Variants in EMILIN2 observed in about 807,000 individuals in gnomAD.
The protein encoded by EMILIN2 is elastin microfibril interfacer 2, also known as EMILIN-2.
EMILIN2 carries 71 observed loss-of-function variants against 87.1 expected under a neutral mutation model. The ratio of observed to expected loss-of-function variants is 0.82; its 90% CI spans 0.67 to 0.99. EMILIN2 has a LOEUF of 0.99. EMILIN2 is among the 50% of genes least tolerant of loss of function. The probability of loss-of-function intolerance (pLI) is 0.00; values close to 1 mark genes in which losing one functional copy is unlikely to be tolerated. For missense variants in EMILIN2, 1,407 were observed against 1,371.8 expected, an observed-to-expected ratio of 1.03 and a Z score of -0.40; for synonymous variants, 581 against 563.4, an observed-to-expected ratio of 1.03 and a Z score of -0.44.
chr18:2,847,672 G>C lies in EMILIN2; in HGVS notation c.135-137G>C. 7.2e-7 allele frequency: 1 copy of C among 1,380,394 alleles called. No individual in the cohort carries two copies. The highest frequency in any genetic ancestry group is 9.5e-7 in the Non-Finnish European group (1 of 1,048,722). The allele number at this position is 1,380,394 out of a possible 1,614,324, so 85.5% of individuals were successfully genotyped here. ...CCGGGCACCCTCCGGCGTCTGCTCG[G>C]TGAAGCTCCCGCCTCCGCAGAGGGC... On this transcript the variant is annotated intron_variant, in intron 1 of 7. Transcript: ENST00000254528. This position sits in a 1 kb window ranked among gnomAD's most constrained non-coding sequence, Gnocchi z 4.5.
In EMILIN2 at chr18:2,890,311, A is replaced by G. The variant is rs2076828094; in HGVS notation, c.434-250A>G. Among the ~76,000 whole-genome samples the G allele has an allele frequency of 6.6e-6, 1 of 152,230 alleles. No individual in the cohort carries two copies. Among genetic ancestry groups the G allele is most frequent in the African/African-American group, 2.4e-5 (1 of 41,456 alleles). On this transcript the variant is annotated intron_variant, in intron 3 of 7. Coordinates refer to ENST00000254528, the MANE Select transcript of EMILIN2 (RefSeq NM_032048.3). The surrounding 1 kb of genome is among the most constrained non-coding windows in gnomAD (Gnocchi z 4.7). The stretch of plus-strand genomic sequence containing the variant: ...GTTCTTCTTTATAGATGAGAGGATT[A>G]TAGTTCACAGAAGTTAGTTAACTTG...
chr18:2,893,284 A>G (rs1220941683), intron 4 of EMILIN2, among the ~76,000 whole-genome samples: 1 of 152,128 alleles, frequency 6.6e-6, no homozygotes, highest in Non-Finnish European at 1.5e-5. Context: ...GGAGTCTCCT[A>G]CGTACCTCTC....
intron 4 of EMILIN2, among the ~76,000 whole-genome samples, chr18:2,899,661 C>T (rs1400221173): frequency 4.6e-5 from 7 of 152,058 alleles, no homozygotes; most frequent in East Asian, 1.9e-4. Context: ...CCCACCACCA[C>T]GACCCACTAA....
At chr18:2,910,681 A>AT (rs2076936502) in intron 7 of EMILIN2, among the ~76,000 whole-genome samples, 1 of 152,066 alleles carries the variant, frequency 6.6e-6, no homozygotes, top group Admixed American at 6.5e-5. Context: ...CTTGCCACCC[A>AT]TAAGCCACTG....
In EMILIN2 at chr18:2,847,776, C is replaced by T. The variant is rs772466546; in HGVS notation, c.135-33C>T. On this transcript the variant is annotated intron_variant, in intron 1 of 7. Transcript: ENST00000254528. This position sits in a 1 kb window ranked among gnomAD's most constrained non-coding sequence, Gnocchi z 4.5. ...GCCTCATTGTTCTCCGGGTTTACCC[C>T]GTGCCCCTCTCCCTCTCTCTCCTGC... The T allele has an allele frequency of 1.2e-6, 2 of 1,608,832 alleles. No individual in the cohort carries two copies. Among genetic ancestry groups the T allele is most frequent in the Non-Finnish European group, 1.7e-6 (2 of 1,178,966 alleles).
At chr18:2,876,239 C>A (rs2076747222) in intron 2 of EMILIN2, among the ~76,000 whole-genome samples, 1 of 151,674 alleles carries the variant, frequency 6.6e-6, no homozygotes, top group Non-Finnish European at 1.5e-5. Flanking sequence ...CCTCGGCCTC[C>A]CAAAGTGCTG....
chr18:2,888,429 A>G (rs767532137), intron 3 of EMILIN2, among the ~76,000 whole-genome samples: 1 of 152,092 alleles, frequency 6.6e-6, no homozygotes, highest in Non-Finnish European at 1.5e-5. Flanking sequence ...TTAAGAGAGA[A>G]TAACGGCCGG....
At position 2,908,991 on chromosome 18, in the gene EMILIN2, G is replaced by T; in HGVS notation, c.2695+16G>T. On this transcript the variant is annotated intron_variant, in intron 6 of 7. Transcript: ENST00000254528. ...GCTTCCCCAGGTATGTCTGCTGAGAGACCAGGAGCAGGAGGAGCGGTCTCC... is the reference window on the plus strand; with the variant it reads ...GCTTCCCCAGGTATGTCTGCTGAGATACCAGGAGCAGGAGGAGCGGTCTCC... 1 of 1,613,182 alleles carries T rather than the reference G, an allele frequency of 6.2e-7. No homozygotes were observed. Among genetic ancestry groups the T allele is most frequent in the Non-Finnish European group, 8.5e-7 (1 of 1,180,006 alleles).
chr18:2,899,364 C>T (rs181267441), intron 4 of EMILIN2, among the ~76,000 whole-genome samples: 33 of 152,270 alleles, frequency 2.2e-4, no homozygotes, highest in South Asian at 4.1e-4. Flanking sequence ...AGCCCACTTA[C>T]GGACTCGATT....
At chr18:2,886,722 C>T (rs111567743) in intron 3 of EMILIN2, among the ~76,000 whole-genome samples, 2,500 of 152,280 alleles carry the variant, frequency 0.016, 75 homozygotes, top group African/African-American at 0.057. Flanking sequence ...TTCTTTCCTA[C>T]GCAGCTTTTT....
chr18:2,870,486 G>A (rs925611465), intron 2 of EMILIN2, among the ~76,000 whole-genome samples: 3 of 152,192 alleles, frequency 2.0e-5, no homozygotes, highest in Non-Finnish European at 4.4e-5. Context: ...CTTTCTGTTG[G>A]CTTCTGGAAG....
rs537951293 is a variant in EMILIN2, at chr18:2,891,383, T to G, written c.1256T>G (p.Val419Gly). 2 of 1,613,846 alleles carry G rather than the reference T, an allele frequency of 1.2e-6. No homozygotes were observed. The highest frequency in any genetic ancestry group is 4.5e-5 in the East Asian group (2 of 44,870). ...IKTLDQKIER[V>G]AEATRMLNGR... ...ACATTGGACCAGAAAATCGAGAGAG[T>G]TGCTGAAGCCACCAGAATGCTGAAT... The change falls in exon 4 of 8, where the codon GTT becomes GGT. Residue 419 changes from valine to glycine, a missense_variant. Val to Gly is a moderately radical substitution (Grantham distance 109, BLOSUM62 -3). Coordinates refer to ENST00000254528, the MANE Select transcript of EMILIN2 (RefSeq NM_032048.3). The surrounding 1 kb of genome is among the most constrained non-coding windows in gnomAD (Gnocchi z 4.6).
In EMILIN2 at chr18:2,906,617, G is replaced by A. The variant is rs1598505891; in HGVS notation, c.2360-166G>A. On this transcript the variant is annotated intron_variant, in intron 4 of 7. Coordinates refer to ENST00000254528, the MANE Select transcript of EMILIN2 (RefSeq NM_032048.3). ...CGGGTGGCCCGCGGCGTCCTCGGAAGATGCGGGCGGACGCCCGTGTGTCCC... is the reference window on the plus strand; with the variant it reads ...CGGGTGGCCCGCGGCGTCCTCGGAAAATGCGGGCGGACGCCCGTGTGTCCC... 4 of 505,562 alleles carry A rather than the reference G, an allele frequency of 7.9e-6. No individual in the cohort carries two copies. The East Asian group carries it at 1.1e-4, about 14-fold the overall frequency. The allele number at this position is 505,562 out of a possible 1,614,324, so 31.3% of individuals were successfully genotyped here. A position where few individuals can be genotyped will look rare whatever the true frequency, so the allele number is the denominator to read the frequency against.
At chr18:2,888,454 G>A (rs957873977) in intron 3 of EMILIN2, among the ~76,000 whole-genome samples, 7 of 151,948 alleles carry the variant, frequency 4.6e-5, no homozygotes, top group South Asian at 2.1e-4. Flanking sequence ...GGTGGCTCAC[G>A]TCTGTAATCC....
intron 2 of EMILIN2, among the ~76,000 whole-genome samples, chr18:2,856,607 A>G (rs1283648856): frequency 3.3e-5 from 5 of 152,214 alleles, no homozygotes; most frequent in Non-Finnish European, 7.3e-5. Flanking sequence ...GTTACACAGA[A>G]CTTTACATCC....
At chr18:2,886,098 C>G (rs2076802194) in intron 3 of EMILIN2, among the ~76,000 whole-genome samples, 1 of 152,178 alleles carries the variant, frequency 6.6e-6, no homozygotes, top group Non-Finnish European at 1.5e-5. Context: ...ACTCTCTTTC[C>G]TATGTCTGTA....
chr18:2,894,841 G>A lies in EMILIN2; in HGVS notation c.2359+2355G>A, dbSNP rs578141547. 6.6e-6 allele frequency among the ~76,000 whole-genome samples: 1 copy of A among 152,252 alleles called. No individual in the cohort carries two copies. Among genetic ancestry groups the A allele is most frequent in the South Asian group, 2.1e-4 (1 of 4,816 alleles). On this transcript the variant is annotated intron_variant, in intron 4 of 7. Coordinates refer to ENST00000254528, the MANE Select transcript of EMILIN2 (RefSeq NM_032048.3). The surrounding 1 kb of genome is among the most constrained non-coding windows in gnomAD (Gnocchi z 5.0). Reference sequence around the variant, plus strand: ...GTATCAGAGGTGCATGGGAGAATCTGGAGCTAAGGTCACAATGAAAGTGAC... The same window carrying A: ...GTATCAGAGGTGCATGGGAGAATCTAGAGCTAAGGTCACAATGAAAGTGAC...
chr18:2,880,421 G>C lies in EMILIN2; in HGVS notation c.258-4543G>C, dbSNP rs57562223. Reference sequence around the variant, plus strand: ...GGAAGAGGCGGGCAAAGGAGACTTGGCTGGAATGGGGGAGAGTTCACAGGG... The same window carrying C: ...GGAAGAGGCGGGCAAAGGAGACTTGCCTGGAATGGGGGAGAGTTCACAGGG... On this transcript the variant is annotated intron_variant, in intron 2 of 7. Coordinates refer to ENST00000254528, the MANE Select transcript of EMILIN2 (RefSeq NM_032048.3). The surrounding 1 kb of genome is among the most constrained non-coding windows in gnomAD (Gnocchi z 4.1). 0.14 allele frequency among the ~76,000 whole-genome samples: 22,070 copies of C among 152,212 alleles called. 1,853 individuals carry two copies. The highest frequency in any genetic ancestry group is 0.41 in the East Asian group (2,117 of 5,172).
Position 2,847,977 on chromosome 18 carries a change from G to A in EMILIN2, c.257+46G>A, listed in dbSNP as rs2076584620. On this transcript the variant is annotated intron_variant, in intron 2 of 7. Transcript: ENST00000254528. The surrounding 1 kb of genome is among the most constrained non-coding windows in gnomAD (Gnocchi z 4.5). ...GCGGGCGGGGCGCGCCCGGGCCGGGGCGGTGGGGGTGGGGTGGGGTTGCTG... is the reference window on the plus strand; with the variant it reads ...GCGGGCGGGGCGCGCCCGGGCCGGGACGGTGGGGGTGGGGTGGGGTTGCTG... The A allele has an allele frequency of 1.7e-5, 26 of 1,536,934 alleles. No homozygotes were observed. The highest frequency in any genetic ancestry group is 2.1e-5 in the Non-Finnish European group (24 of 1,144,442).
Sources: allele counts gnomAD v4.1 joint callset (sites outside exome capture counted in the v4.1 genomes callset), GRCh38; gene constraint gnomAD v4.1.1; non-coding constraint Gnocchi (gnomAD v3.1); transcripts MANE v1.5; gene names NCBI Gene and HGNC (gene_info 2026-07-23, HGNC 2026-07-21).